EXOC4: variants seen among roughly 807,000 people sequenced by gnomAD.
EXOC4 encodes SEC8-like 1.
A neutral mutation model predicts 107.2 loss-of-function variants in EXOC4; 71 were observed. The observed-to-expected ratio is 0.66, with a 90% CI of 0.55 to 0.81. The LOEUF is 0.81. Ranked by LOEUF, EXOC4 falls within the 30% of genes least tolerant of loss-of-function variation. The pLI is 0.00. For missense variants in EXOC4, 1,108 were observed against 1,189.6 expected (o/e 0.93, Z 1.01); for synonymous variants, 456 against 441.2 (o/e 1.03, Z -0.42).
intron 10 of EXOC4, 96 bp from the exon 11 acceptor site, chr7:133,817,229 G>A: frequency 1.2e-6 from 1 of 820,596 alleles, no homozygotes; most frequent in Middle Eastern, 2.6e-4. Context: ...CCTCTTCACA[G>A]AAATAGCCAA....
rs1802554872 is a variant in EXOC4, at chr7:133,630,141, G to A, written c.1514G>A (p.Arg505Lys). 6.2e-7 allele frequency: 1 copy of A among 1,607,146 alleles called. No homozygotes were observed. Among genetic ancestry groups the A allele is most frequent in the Non-Finnish European group, 8.5e-7 (1 of 1,173,994 alleles). Residue 505 changes from arginine (R) to lysine (K), a missense_variant and splice_region_variant, in exon 10 of 18, where the codon AGA becomes AAA. Transcript: ENST00000253861. ...NITVIFHPLL[R>K]FIQEIEHALG... Reference sequence around the variant, plus strand: ...ACCGTCATATTCCACCCATTACTAAGGTAAGTCAAGTGCTATGATATACTT... The same window carrying A: ...ACCGTCATATTCCACCCATTACTAAAGTAAGTCAAGTGCTATGATATACTT...
rs1057295529 is a variant in EXOC4 at position 133,340,059 on chromosome 7, C to T, written c.764-16271C>T. On this transcript the variant is annotated intron_variant, in intron 5 of 17. Transcript: ENST00000253861. ...TTCCAGGAGTATGTTGAACAGAAGA[C>T]GTGAAACTGGATATCCTTGTCTTGT... is the stretch of plus-strand genomic sequence containing the variant. Among the ~76,000 whole-genome samples the T allele has an allele frequency of 6.6e-5, 10 of 152,212 alleles. No individual in the cohort carries two copies. In the East Asian group the frequency reaches 1.7e-3, roughly 26 times the overall value.
chr7:133,733,948 T>C (rs1795384592), intron 10 of EXOC4, among the ~76,000 whole-genome samples: 1 of 152,224 alleles, frequency 6.6e-6, no homozygotes, highest in Non-Finnish European at 1.5e-5. Flanking sequence ...AGAAATATGA[T>C]ATTTAAATAA....
At chr7:134,002,261 A>C (rs186189793) in intron 15 of EXOC4, among the ~76,000 whole-genome samples, 2 of 152,322 alleles carry the variant, frequency 1.3e-5, no homozygotes, top group East Asian at 3.9e-4. Flanking sequence ...AGTAGTCAAG[A>C]TACTTGGATT....
In EXOC4 at chr7:134,062,542, G is replaced by A. The variant is rs115111596; in HGVS notation, c.2688-1749G>A. ...TGAGCCACTCATCCTGCTAGGTCTG[G>A]AAGATTGCTTCGTCTCCAAGAGTTG... On this transcript the variant is annotated intron_variant, in intron 17 of 17. Transcript: ENST00000253861. Among the ~76,000 whole-genome samples, 540 of 152,300 alleles carry A rather than the reference G, an allele frequency of 3.5e-3. 7 individuals are homozygous for A. The highest frequency in any genetic ancestry group is 0.012 in the African/African-American group (497 of 41,572).
At chr7:133,671,167 A>G (rs1304386286) in intron 10 of EXOC4, among the ~76,000 whole-genome samples, 1 of 152,222 alleles carries the variant, frequency 6.6e-6, no homozygotes, top group African/African-American at 2.4e-5. Context: ...ATGAAAGGTC[A>G]TGTAGATGGT....
chr7:133,785,813 C>G (rs1585143635), intron 10 of EXOC4, among the ~76,000 whole-genome samples: 3 of 152,180 alleles, frequency 2.0e-5, no homozygotes, highest in South Asian at 2.1e-4. Context: ...GCTGGGACTA[C>G]AGGTGCCCGC....
intron 17 of EXOC4, among the ~76,000 whole-genome samples, chr7:134,041,497 A>C (rs1373947316): frequency 2.0e-5 from 3 of 152,216 alleles, no homozygotes; most frequent in Non-Finnish European, 4.4e-5. Flanking sequence ...AATCAATTTG[A>C]ATACAACATG....
chr7:133,481,321 A>G (rs1349579319), intron 9 of EXOC4, among the ~76,000 whole-genome samples: 2 of 152,178 alleles, frequency 1.3e-5, no homozygotes, highest in Non-Finnish European at 2.9e-5. Flanking sequence ...AATTACAAGA[A>G]AGGAGTGATT....
Position 133,813,650 on chromosome 7 carries a change from T to C in EXOC4, c.1515-3675T>C, listed in dbSNP as rs183829723. 5.2e-3 allele frequency among the ~76,000 whole-genome samples: 787 copies of C among 152,274 alleles called. 3 individuals carry two copies. Among genetic ancestry groups the C allele is most frequent in the Admixed American group, 8.1e-3 (124 of 15,294 alleles). ...TAACCATCTACTTTTATTTCATTTT[T>C]CCCTGCCTTCTTTCACTCACCCTCT... On this transcript the variant is annotated intron_variant, in intron 10 of 17. Coordinates refer to ENST00000253861, the MANE Select transcript of EXOC4 (RefSeq NM_021807.4).
intron 10 of EXOC4, among the ~76,000 whole-genome samples, chr7:133,639,774 T>G (rs1802806208): frequency 6.6e-6 from 1 of 152,284 alleles, no homozygotes; most frequent in Admixed American, 6.5e-5. Context: ...TTATTAGTTG[T>G]GAAAGAATAG....
At chr7:133,397,479 T>C (rs1796997705) in intron 7 of EXOC4, among the ~76,000 whole-genome samples, 1 of 152,108 alleles carries the variant, frequency 6.6e-6, no homozygotes, top group Non-Finnish European at 1.5e-5. Flanking sequence ...TCTCCTTAAC[T>C]GAATTATTAG....
At chr7:133,990,690 G>A (rs1190252330) in intron 14 of EXOC4, among the ~76,000 whole-genome samples, 3 of 152,182 alleles carry the variant, frequency 2.0e-5, no homozygotes, top group South Asian at 4.1e-4. Flanking sequence ...TCCTGACCTC[G>A]TGATCCACCC....
At chr7:133,278,692 G>A (rs1304204649) in intron 2 of EXOC4, among the ~76,000 whole-genome samples, 1 of 152,144 alleles carries the variant, frequency 6.6e-6, no homozygotes, top group Non-Finnish European at 1.5e-5. Context: ...GGTGTGGTGG[G>A]TGGGTGTAGG....
chr7:133,347,244 CT>C (rs57983951), intron 5 of EXOC4, among the ~76,000 whole-genome samples: 168 of 139,402 alleles, frequency 1.2e-3, no homozygotes, highest in Admixed American at 1.4e-3. Context: ...GTAAACTATA[CT>C]TTTTTTTTTT....
At chr7:133,924,461 G>T (rs1242548378) in intron 13 of EXOC4, among the ~76,000 whole-genome samples, 1 of 152,104 alleles carries the variant, frequency 6.6e-6, no homozygotes, top group Non-Finnish European at 1.5e-5. Flanking sequence ...CTGATCCAAA[G>T]AAATGAATTT....
chr7:133,315,922 A>G (rs1794980934), intron 4 of EXOC4, among the ~76,000 whole-genome samples: 1 of 152,212 alleles, frequency 6.6e-6, no homozygotes, highest in Admixed American at 6.5e-5. Context: ...GAATTGTTCG[A>G]GTAATGATTC....
chr7:134,047,447 C>T (rs146360911), intron 17 of EXOC4, among the ~76,000 whole-genome samples: 8 of 152,290 alleles, frequency 5.3e-5, no homozygotes, highest in African/African-American at 9.6e-5. Context: ...CTGATTTTCT[C>T]TGCTGACTCT....
At chr7:133,802,100 T>G (rs2151196708) in intron 10 of EXOC4, among the ~76,000 whole-genome samples, 1 of 152,226 alleles carries the variant, frequency 6.6e-6, no homozygotes, top group East Asian at 1.9e-4. Context: ...TTACAGGCAT[T>G]GTGGGCTTTG....
Sources: allele counts gnomAD v4.1 joint callset (sites outside exome capture counted in the v4.1 genomes callset), GRCh38; gene constraint gnomAD v4.1.1; transcripts MANE v1.5; gene names NCBI Gene and HGNC (gene_info 2026-07-23, HGNC 2026-07-21).